The following CTNND2 variants were observed in gnomAD, a reference collection of about 807,000 sequenced individuals.
CTNND2 encodes catenin delta-2.
A neutral mutation model predicts 144.4 loss-of-function variants in CTNND2; 22 were observed. The observed-to-expected ratio is 0.15, with a 90% CI of 0.11 to 0.22. The LOEUF is 0.22. Ranked by LOEUF, CTNND2 falls within the 10% of genes least tolerant of loss-of-function variation. The pLI, the probability that CTNND2 is intolerant of heterozygous loss-of-function variation, is 1.00. For missense variants in CTNND2, 1,353 were observed against 1,618.8 expected (o/e 0.84, Z 2.82); for synonymous variants, 751 against 695.6 (o/e 1.08, Z -1.25).
chr5:11,659,666 C>T (rs1015892435), intron 2 of CTNND2, among the ~76,000 whole-genome samples: 6 of 152,104 alleles, frequency 3.9e-5, no homozygotes, highest in African/African-American at 1.2e-4. Flanking sequence ...GCATATGACA[C>T]GTTAAGGCCA....
Position 11,881,266 on chromosome 5 carries a change from T to C in CTNND2, c.37+22551A>G, listed in dbSNP as rs192083799. Reference sequence around the variant, plus strand: ...CAAATTAGAGTAACTGGCATGTCCATCACTTCAAACATTTATTACTTCTTT... The same window carrying C: ...CAAATTAGAGTAACTGGCATGTCCACCACTTCAAACATTTATTACTTCTTT... On this transcript the variant is annotated intron_variant, in intron 1 of 21. Transcript: ENST00000304623. 5.6e-3 allele frequency among the ~76,000 whole-genome samples: 853 copies of C among 151,584 alleles called. 8 individuals carry two copies. Among genetic ancestry groups the C allele is most frequent in the African/African-American group, 0.019 (796 of 41,500 alleles).
At chr5:11,615,765 T>TAAGACCATAGGCA (rs1780550340) in intron 2 of CTNND2, among the ~76,000 whole-genome samples, 1 of 152,224 alleles carries the variant, frequency 6.6e-6, no homozygotes, top group Admixed American at 6.5e-5. Context: ...ATGCATGTGA[T>TAAGACCATAGGCA]AAGACCATAG....
At chr5:11,754,360 T>A (rs1788791225) in intron 1 of CTNND2, among the ~76,000 whole-genome samples, 1 of 151,428 alleles carries the variant, frequency 6.6e-6, no homozygotes, top group South Asian at 2.1e-4. Flanking sequence ...TCCCAGAAAT[T>A]CTGATATGTT....
At chr5:11,516,205 T>C (rs1281136978) in intron 3 of CTNND2, among the ~76,000 whole-genome samples, 2 of 152,176 alleles carry the variant, frequency 1.3e-5, no homozygotes, top group African/African-American at 4.8e-5. Flanking sequence ...ACAAGTTTTT[T>C]ATTATCTAAT....
In CTNND2 at chr5:11,463,984, T is replaced by C. The variant is rs1581251526; in HGVS notation, c.288-51915A>G. Reference sequence around the variant, plus strand: ...AGTGTTAGTTTCAAAGCAATTTTAATTGATTATTTTGTGTTAACTCCTGTT... The same window carrying C: ...AGTGTTAGTTTCAAAGCAATTTTAACTGATTATTTTGTGTTAACTCCTGTT... On this transcript the variant is annotated intron_variant, in intron 3 of 21. Coordinates refer to ENST00000304623, the MANE Select transcript of CTNND2 (RefSeq NM_001332.4). 2.0e-5 allele frequency among the ~76,000 whole-genome samples: 3 copies of C among 152,254 alleles called. No homozygotes were observed. The South Asian group carries it at 6.2e-4, about 31-fold the overall frequency.
At chr5:11,379,941 C>A (rs1357177401) in intron 7 of CTNND2, among the ~76,000 whole-genome samples, 2 of 152,148 alleles carry the variant, frequency 1.3e-5, no homozygotes, top group Admixed American at 1.3e-4. Context: ...TCAAGAAACA[C>A]TGAGCTGCCA....
At chr5:11,626,784 C>T (rs1162449188) in intron 2 of CTNND2, among the ~76,000 whole-genome samples, 1 of 152,208 alleles carries the variant, frequency 6.6e-6, no homozygotes, top group Non-Finnish European at 1.5e-5. Flanking sequence ...TTAAACTTCA[C>T]ACGCAAATCG....
At chr5:11,772,649 T>A (rs1428719121) in intron 1 of CTNND2, among the ~76,000 whole-genome samples, 1 of 152,192 alleles carries the variant, frequency 6.6e-6, no homozygotes, top group Non-Finnish European at 1.5e-5. Context: ...CCTTTTAATT[T>A]CAGAGGAGCA....
chr5:11,328,913 T>C (rs550927319), intron 9 of CTNND2, among the ~76,000 whole-genome samples: 151 of 152,294 alleles, frequency 9.9e-4, no homozygotes, highest in African/African-American at 2.5e-3. Flanking sequence ...ATATCCCAGA[T>C]TTGGTGCTTA....
intron 1 of CTNND2, among the ~76,000 whole-genome samples, chr5:11,751,338 A>C (rs1308819587): frequency 6.6e-6 from 1 of 151,734 alleles, no homozygotes; most frequent in Non-Finnish European, 1.5e-5. Context: ...TCACCCAGGT[A>C]AGAAGCATAG....
chr5:11,015,159 T>C (rs981590305), intron 18 of CTNND2, among the ~76,000 whole-genome samples: 1 of 152,214 alleles, frequency 6.6e-6, no homozygotes, highest in Non-Finnish European at 1.5e-5. Flanking sequence ...ATTTTTTCAA[T>C]GATATGCAAA....
At chr5:11,565,276 T>G (rs1776986949) in intron 2 of CTNND2, among the ~76,000 whole-genome samples, 1 of 152,244 alleles carries the variant, frequency 6.6e-6, no homozygotes, top group Admixed American at 6.5e-5. Context: ...GTTTCATCAT[T>G]TGTAAAACAG....
chr5:11,331,174 C>T (rs1753106971), intron 9 of CTNND2, among the ~76,000 whole-genome samples: 1 of 152,164 alleles, frequency 6.6e-6, no homozygotes, highest in African/African-American at 2.4e-5. Flanking sequence ...CTGAGCCTGG[C>T]TTGAAATATA....
At chr5:11,174,699 G>A (rs1041210783) in intron 11 of CTNND2, among the ~76,000 whole-genome samples, 2 of 152,176 alleles carry the variant, frequency 1.3e-5, no homozygotes, top group African/African-American at 4.8e-5. Flanking sequence ...GTGATTATAC[G>A]CAGAGCACGT....
chr5:11,214,849 A>T (rs1048839630), intron 10 of CTNND2, among the ~76,000 whole-genome samples: 9 of 152,174 alleles, frequency 5.9e-5, no homozygotes, highest in African/African-American at 1.9e-4. Flanking sequence ...ATTAGCCATC[A>T]AGAATGATGG....
At position 10,986,596 on chromosome 5, in the gene CTNND2, C is replaced by T. The variant is rs114805891; in HGVS notation, c.3343+1515G>A. 3,409 of 439,720 alleles carry T rather than the reference C, an allele frequency of 7.8e-3. 28 individuals carry two copies. Among genetic ancestry groups the T allele is most frequent in the Non-Finnish European group, 0.011 (2,423 of 221,702 alleles). The allele number at this position is 439,720 out of a possible 1,614,324, so 27.2% of individuals were successfully genotyped here. A position where few individuals can be genotyped will look rare whatever the true frequency, so the allele number is the denominator to read the frequency against. On this transcript the variant is annotated intron_variant, in intron 20 of 21. Coordinates refer to ENST00000304623, the MANE Select transcript of CTNND2 (RefSeq NM_001332.4). ...AGCTTTCTTTGTTCCTGTTCATCTA[C>T]GCGGCAACATGTAAGGGGAAACAGT...
At chr5:11,094,377 C>A (rs1479433885) in intron 15 of CTNND2, among the ~76,000 whole-genome samples, 1 of 151,898 alleles carries the variant, frequency 6.6e-6, no homozygotes, top group Non-Finnish European at 1.5e-5. Context: ...TTCTTGCATT[C>A]TTATATTCAG....
chr5:11,840,018 A>G (rs1310491467), intron 1 of CTNND2, among the ~76,000 whole-genome samples: 4 of 152,238 alleles, frequency 2.6e-5, no homozygotes, highest in Admixed American at 6.5e-5. Flanking sequence ...CTTGCATTTT[A>G]AATAATCTGA....
chr5:11,253,237 T>A (rs1197938642), intron 9 of CTNND2, among the ~76,000 whole-genome samples: 1 of 152,206 alleles, frequency 6.6e-6, no homozygotes, highest in Non-Finnish European at 1.5e-5. Context: ...TTGTTCAAAT[T>A]CCTCCCAGAT....
Sources: gnomAD v4.1 joint callset for allele counts (sites outside exome capture counted in the v4.1 genomes callset) on GRCh38, gnomAD v4.1.1 for gene constraint, MANE v1.5 for transcripts, NCBI Gene and HGNC (gene_info 2026-07-23, HGNC 2026-07-21) for gene names.